Variants in SFT2D2 observed in about 807,000 individuals in gnomAD.
The protein encoded by SFT2D2 is vesicle transport protein SFT2B.
A neutral mutation model predicts 27.4 loss-of-function variants in SFT2D2; 21 were observed. The observed-to-expected ratio is 0.77, with a 90% CI of 0.54 to 1.10. The LOEUF is 1.10. SFT2D2 is among the 50% of genes least tolerant of loss of function. The pLI is 0.00. For missense variants in SFT2D2, 187 were observed against 194.2 expected, an observed-to-expected ratio of 0.96 and a Z score of 0.22; for synonymous variants, 72 against 71.7, an observed-to-expected ratio of 1.00 and a Z score of -0.02.
At chr1:168,242,423 T>G in intron 7 of SFT2D2, 78 bp from the exon 8 acceptor site, 3 of 1,531,844 alleles carry the variant, frequency 2.0e-6, no homozygotes, top group Non-Finnish European at 2.7e-6. Flanking sequence ...ACTCTGCAGC[T>G]TCCACTCTGG....
intron 7 of SFT2D2, among the ~76,000 whole-genome samples, chr1:168,241,244 A>G (rs1261534931): frequency 3.5e-5 from 4 of 114,488 alleles, no homozygotes; most frequent in Non-Finnish European, 5.0e-5. Context: ...GTCTCACTCT[A>G]TGGCCCAGGC....
chr1:168,241,205 C>CTTTTT lies in SFT2D2; in HGVS notation c.444-1280_444-1276dup, dbSNP rs11387591. Among the ~76,000 whole-genome samples the CTTTTT allele has an allele frequency of 5.5e-3, 551 of 100,076 alleles. 18 individuals carry two copies. Among genetic ancestry groups the CTTTTT allele is most frequent in the Non-Finnish European group, 7.3e-3 (388 of 52,996 alleles). The allele number at this position is 100,076 out of a possible 152,430, so 65.7% of individuals were successfully genotyped here. ...CAGAGCTAGATCCCACCCTTCTATT[C>CTTTTT]TTTTTTTTTTTTTTTTTTTTGAGAT... is the stretch of plus-strand genomic sequence containing the variant. On this transcript the variant is annotated intron_variant, in intron 7 of 7. Transcript: ENST00000271375.
In SFT2D2 at chr1:168,245,296, G is replaced by A. The variant is rs1176725661; in HGVS notation, c.*2756G>A. On this transcript the variant is annotated 3_prime_UTR_variant, in exon 8 of 8. Coordinates refer to ENST00000271375, the MANE Select transcript of SFT2D2 (RefSeq NM_199344.3). ...TAATTGATATACACAAATCAATTGT[G>A]TTTCTCCATGTTAGAAGTAAAGAAT... is the stretch of plus-strand genomic sequence containing the variant. The A allele has an allele frequency of 6.6e-6, 1 of 152,162 alleles. No individual in the cohort carries two copies. The highest frequency in any genetic ancestry group is 2.4e-5 in the African/African-American group (1 of 41,436). 9.4% of individuals were successfully genotyped at this position (152,162 alleles called of 1,614,324 possible). A position where few individuals can be genotyped will look rare whatever the true frequency, so the allele number is the denominator to read the frequency against.
rs1414347681 is a variant in SFT2D2 at position 168,242,490 on chromosome 1, T to G, written c.444-11T>G. ...GACGTTCCACTCATCTTTGTGTCTT[T>G]TCTTTCCTAGGGATGCTGTGAAGAA... On this transcript the variant is annotated splice_polypyrimidine_tract_variant and intron_variant, in intron 7 of 7. Coordinates refer to ENST00000271375, the MANE Select transcript of SFT2D2 (RefSeq NM_199344.3). The G allele has an allele frequency of 6.2e-7, 1 of 1,613,858 alleles. No homozygotes were observed. The highest frequency in any genetic ancestry group is 8.5e-7 in the Non-Finnish European group (1 of 1,179,968).
chr1:168,235,139 G>A lies in SFT2D2; in HGVS notation c.275G>A (p.Arg92Gln), dbSNP rs1222942290. 16 of 1,614,206 alleles carry A rather than the reference G, an allele frequency of 9.9e-6. No homozygotes were observed. Among genetic ancestry groups the A allele is most frequent in the South Asian group, 3.3e-5 (3 of 91,082 alleles). ...FLMGPVKQLK[R>Q]MFEPTRLIAT... ...ATGGGACCAGTGAAACAGCTGAAGC[G>A]AATGTTTGAGCCTACTCGTTTGATT... The change falls in exon 4 of 8, where the codon CGA (arginine) becomes CAA (glutamine). Residue 92 changes from arginine (R) to glutamine (Q), a missense_variant. By Grantham distance (43) the Arg-to-Gln change is conservative (BLOSUM62 1). Coordinates refer to ENST00000271375, the MANE Select transcript of SFT2D2 (RefSeq NM_199344.3).
intron 1 of SFT2D2, among the ~76,000 whole-genome samples, chr1:168,230,614 C>T (rs1192294721): frequency 6.6e-6 from 1 of 152,168 alleles, no homozygotes; most frequent in African/African-American, 2.4e-5. Flanking sequence ...GCAGGGATTA[C>T]AGGCATGCAC....
rs570417414 is a variant in SFT2D2 at position 168,244,585 on chromosome 1, T to C, written c.*2045T>C. ...AGGCTATTGATGACATCCAGTCATCTGCTCAGGTCACTAACCTGTCCTCAG... is the reference window on the plus strand; with the variant it reads ...AGGCTATTGATGACATCCAGTCATCCGCTCAGGTCACTAACCTGTCCTCAG... On this transcript the variant is annotated 3_prime_UTR_variant, in exon 8 of 8. Transcript: ENST00000271375. 12 of 152,388 alleles carry C rather than the reference T, an allele frequency of 7.9e-5. No individual in the cohort carries two copies. The highest frequency in any genetic ancestry group is 2.6e-4 in the African/African-American group (11 of 41,590). The allele number at this position is 152,388 out of a possible 1,614,324, so 9.4% of individuals were successfully genotyped here.
intron 1 of SFT2D2, 53 bp from the exon 2 acceptor site, chr1:168,231,461 C>T: frequency 1.4e-6 from 2 of 1,454,738 alleles, no homozygotes; most frequent in Non-Finnish European, 1.9e-6. Flanking sequence ...TATGTGCTTG[C>T]TTTGTTTTTA....
chr1:168,233,358 C>T (rs1647380862), intron 3 of SFT2D2, among the ~76,000 whole-genome samples: 1 of 152,192 alleles, frequency 6.6e-6, no homozygotes, highest in Non-Finnish European at 1.5e-5. Flanking sequence ...TTTGGACTCT[C>T]AGTATCACAT....
At position 168,237,503 on chromosome 1, in the gene SFT2D2, C is replaced by T. The variant is rs1469956127; in HGVS notation, c.413+733C>T. Reference sequence around the variant, plus strand: ...TAGTTGGAATCTGTAGGTTCCAAGACATTTCTGTAGTTCTTTCAAAGTTTA... The same window carrying T: ...TAGTTGGAATCTGTAGGTTCCAAGATATTTCTGTAGTTCTTTCAAAGTTTA... On this transcript the variant is annotated intron_variant, in intron 6 of 7. Transcript: ENST00000271375. 2.0e-5 allele frequency among the ~76,000 whole-genome samples: 3 copies of T among 152,168 alleles called. No homozygotes were observed. In the East Asian group the frequency reaches 5.8e-4, roughly 29 times the overall value.
intron 1 of SFT2D2, among the ~76,000 whole-genome samples, chr1:168,230,468 A>G (rs1398083022): frequency 3.3e-5 from 5 of 152,070 alleles, no homozygotes; most frequent in Non-Finnish European, 7.4e-5. Context: ...CACCAGTGCA[A>G]AAACTTTGAT....
chr1:168,231,441 T>C (rs1007424865), intron 1 of SFT2D2, 73 bp from the exon 2 acceptor site: 49 of 1,292,270 alleles, frequency 3.8e-5, no homozygotes, highest in African/African-American at 3.0e-5. Flanking sequence ...TAACACTTTC[T>C]AGATTTAGTT....
intron 7 of SFT2D2, among the ~76,000 whole-genome samples, chr1:168,240,174 C>CAAA (rs71299093): frequency 9.7e-6 from 1 of 103,226 alleles, no homozygotes; most frequent in East Asian, 2.8e-4. Context: ...GACTCTGTCT[C>CAAA]AAAAAAAAAA....
chr1:168,236,879 T>TTTTTA, intron 6 of SFT2D2, 109 bp downstream of exon 6: 1 of 1,258,242 alleles, frequency 7.9e-7, no homozygotes, highest in South Asian at 1.2e-5. Flanking sequence ...ACACAGAAGC[T>TTTTTA]GTTTAATTTA....
intron 3 of SFT2D2, among the ~76,000 whole-genome samples, chr1:168,233,971 T>C (rs1386703866): frequency 6.6e-6 from 1 of 152,198 alleles, no homozygotes; most frequent in Non-Finnish European, 1.5e-5. Flanking sequence ...CCTTGCAACT[T>C]AATGGCACTT....
chr1:168,244,088 A>G lies in SFT2D2; in HGVS notation c.*1548A>G, dbSNP rs1165573013. On this transcript the variant is annotated 3_prime_UTR_variant, in exon 8 of 8. Coordinates refer to ENST00000271375, the MANE Select transcript of SFT2D2 (RefSeq NM_199344.3). ...GCTCCTCCTCTGTCACTGCTAAACC[A>G]AAGGAAGTGGCCTGCTGGTTGTCCC... The G allele has an allele frequency of 6.6e-6, 1 of 152,132 alleles. No homozygotes were observed. Among genetic ancestry groups the G allele is most frequent in the Admixed American group, 6.5e-5 (1 of 15,268 alleles). 9.4% of individuals were successfully genotyped at this position (152,132 alleles called of 1,614,324 possible). A position where few individuals can be genotyped will look rare whatever the true frequency, so the allele number is the denominator to read the frequency against.
Position 168,242,909 on chromosome 1 carries a change from C to T in SFT2D2, c.*369C>T, listed in dbSNP as rs1647686723. The T allele has an allele frequency of 2.4e-5, 7 of 297,114 alleles. No homozygotes were observed. The highest frequency in any genetic ancestry group is 3.6e-5 in the South Asian group (1 of 27,530). The allele number at this position is 297,114 out of a possible 1,614,324, so 18.4% of individuals were successfully genotyped here. A position where few individuals can be genotyped will look rare whatever the true frequency, so the allele number is the denominator to read the frequency against. The stretch of plus-strand genomic sequence containing the variant: ...CAAAAGGCAGCCCCATCAGAGATCA[C>T]GGGAGCAACAGTAAGGGACAGAGTT... On this transcript the variant is annotated 3_prime_UTR_variant, in exon 8 of 8. Transcript: ENST00000271375.
chr1:168,239,304 A>G (rs890240439), intron 7 of SFT2D2, 144 bp downstream of exon 7: 2 of 623,828 alleles, frequency 3.2e-6, no homozygotes, highest in Non-Finnish European at 5.7e-6. Context: ...ATAGATAAGT[A>G]AGTTAAAGGT....
intron 1 of SFT2D2, 48 bp from the exon 2 acceptor site, chr1:168,231,465 GT>G (rs777946811): frequency 1.3e-6 from 2 of 1,488,838 alleles, no homozygotes; most frequent in South Asian, 2.3e-5. Flanking sequence ...TGCTTGCTTT[GT>G]TTTTAGTAAA....
Sources: allele counts gnomAD v4.1 joint callset (sites outside exome capture counted in the v4.1 genomes callset), GRCh38; gene constraint gnomAD v4.1.1; transcripts MANE v1.5; gene names NCBI Gene and HGNC (gene_info 2026-07-23, HGNC 2026-07-21).